IRF2: variants seen among roughly 807,000 people sequenced by gnomAD.
The protein encoded by IRF2 is interferon regulatory factor 2.
Under a neutral mutation model 40.6 loss-of-function variants are expected in IRF2, and 15 were observed. That is an observed-to-expected ratio of 0.37 (90% CI 0.25 to 0.57). The LOEUF (loss-of-function observed/expected upper bound fraction) is 0.57. Ranked by LOEUF, IRF2 falls within the 20% of genes least tolerant of loss-of-function variation. The pLI is 0.77. For synonymous variants in IRF2, 151 were observed against 165.5 expected (o/e 0.91, Z 0.67); for missense variants, 317 against 455.7 (o/e 0.70, Z 2.77).
chr4:184,463,662 T>A (rs11729267), intron 1 of IRF2, among the ~76,000 whole-genome samples: 48,648 of 152,006 alleles, frequency 0.32, 9,486 homozygotes, highest in East Asian at 0.48. Context: ...ATATATATTT[T>A]TTTTTTGATG....
At chr4:184,452,784 A>AAAAAAAAAAAAAAAAAAAAG (rs1738767941) in intron 1 of IRF2, among the ~76,000 whole-genome samples, 1 of 149,178 alleles carries the variant, frequency 6.7e-6, no homozygotes, top group African/African-American at 2.5e-5. Context: ...AAAAAAAAAA[A>AAAAAAAAAAAAAAAAAAAAG]AAAAAAAAAA....
At chr4:184,423,079 A>G (rs1737539732) in intron 2 of IRF2, among the ~76,000 whole-genome samples, 2 of 152,214 alleles carry the variant, frequency 1.3e-5, no homozygotes, top group Admixed American at 6.5e-5. Context: ...AGAAAGCAAG[A>G]TTCATTTTAA....
chr4:184,425,715 G>T (rs1225289818), intron 2 of IRF2, among the ~76,000 whole-genome samples: 1 of 152,250 alleles, frequency 6.6e-6, no homozygotes, highest in Admixed American at 6.5e-5. Flanking sequence ...CTGCCTGAAA[G>T]GGGCCAAGTG....
rs1431923839 is a variant in IRF2, at chr4:184,408,669, G to T, written c.412-394C>A. ...AGAATCAATGCCTGGCTTTCACCAG[G>T]GAGGAATCATGCTACCTCTTTCATA... On this transcript the variant is annotated intron_variant, in intron 5 of 8. Transcript: ENST00000393593. This position sits in a 1 kb window ranked among gnomAD's most constrained non-coding sequence, Gnocchi z 4.9. Among the ~76,000 whole-genome samples, 1 of 152,218 alleles carries T rather than the reference G, an allele frequency of 6.6e-6. No individual in the cohort carries two copies. Among genetic ancestry groups the T allele is most frequent in the Non-Finnish European group, 1.5e-5 (1 of 68,034 alleles).
At position 184,413,886 on chromosome 4, in the gene IRF2, T is replaced by G. The variant is rs1004735622; in HGVS notation, c.411+4281A>C. 1.3e-5 allele frequency among the ~76,000 whole-genome samples: 2 copies of G among 152,210 alleles called. No individual in the cohort carries two copies. Among genetic ancestry groups the G allele is most frequent in the African/African-American group, 4.8e-5 (2 of 41,446 alleles). On this transcript the variant is annotated intron_variant, in intron 5 of 8. Coordinates refer to ENST00000393593, the MANE Select transcript of IRF2 (RefSeq NM_002199.4). The surrounding 1 kb of genome is among the most constrained non-coding windows in gnomAD (Gnocchi z 4.2). ...GCTCTAATTAAGCCAGTTTCCTGTC[T>G]CATCCAGGAAAGACAAACCAACTGT...
At chr4:184,393,921 T>C (rs1173941315) in intron 7 of IRF2, among the ~76,000 whole-genome samples, 1 of 152,204 alleles carries the variant, frequency 6.6e-6, no homozygotes, top group Non-Finnish European at 1.5e-5. Flanking sequence ...CCATTGCCAC[T>C]TCCACGCTGA....
chr4:184,412,031 ACT>A (rs911386557), intron 5 of IRF2, among the ~76,000 whole-genome samples: 5 of 132,132 alleles, frequency 3.8e-5, no homozygotes, highest in Admixed American at 7.7e-5. Flanking sequence ...AAAAAAAAAG[ACT>A]CTGCTTGGGT....
intron 1 of IRF2, among the ~76,000 whole-genome samples, chr4:184,461,229 G>T (rs1739133366): frequency 6.6e-6 from 1 of 152,088 alleles, no homozygotes; most frequent in African/African-American, 2.4e-5. Context: ...ACTAAATGTG[G>T]GAGAATTGTG....
chr4:184,448,122 G>T lies in IRF2; in HGVS notation c.-6-19052C>A, dbSNP rs900563244. On this transcript the variant is annotated intron_variant, in intron 1 of 8. Coordinates refer to ENST00000393593, the MANE Select transcript of IRF2 (RefSeq NM_002199.4). The surrounding 1 kb of genome is among the most constrained non-coding windows in gnomAD (Gnocchi z 4.3). ...CTTTGTACTATTGTTAAACTGTGGT[G>T]GAAGTCTGAAATTAGCTCAAAAGAA... Among the ~76,000 whole-genome samples, 1 of 152,206 alleles carries T rather than the reference G, an allele frequency of 6.6e-6. No homozygotes were observed.
chr4:184,470,537 C>G (rs1739475503), intron 1 of IRF2, among the ~76,000 whole-genome samples: 1 of 151,942 alleles, frequency 6.6e-6, no homozygotes, highest in Non-Finnish European at 1.5e-5. Context: ...AAAAATTAGC[C>G]AGGCATGGTA....
At chr4:184,427,152 T>A (rs944487700) in intron 2 of IRF2, among the ~76,000 whole-genome samples, 1 of 152,216 alleles carries the variant, frequency 6.6e-6, no homozygotes, top group Non-Finnish European at 1.5e-5. Flanking sequence ...GCAACTCCAT[T>A]TCTTGTTTGT....
intron 1 of IRF2, among the ~76,000 whole-genome samples, chr4:184,432,566 T>C (rs1312731984): frequency 6.6e-6 from 1 of 152,182 alleles, no homozygotes; most frequent in Non-Finnish European, 1.5e-5. Flanking sequence ...TGCTCATCAA[T>C]CAACAATAAA....
chr4:184,433,625 G>C (rs903714292), intron 1 of IRF2, among the ~76,000 whole-genome samples: 1 of 151,328 alleles, frequency 6.6e-6, no homozygotes, highest in Non-Finnish European at 1.5e-5. Flanking sequence ...ACTTAAAAAG[G>C]GCTACACTTA....
chr4:184,396,090 G>A (rs1388113374), intron 7 of IRF2, among the ~76,000 whole-genome samples: 1 of 152,242 alleles, frequency 6.6e-6, no homozygotes, highest in Non-Finnish European at 1.5e-5. Flanking sequence ...TGCAGCAGCA[G>A]GCTATAGAAG....
intron 7 of IRF2, among the ~76,000 whole-genome samples, chr4:184,397,704 A>C (rs1459966237): frequency 6.6e-6 from 1 of 152,212 alleles, no homozygotes; most frequent in African/African-American, 2.4e-5. Context: ...AGCACAGGGA[A>C]GAATCCCTGA....
chr4:184,440,912 T>C (rs1047495451), intron 1 of IRF2, among the ~76,000 whole-genome samples: 2 of 152,292 alleles, frequency 1.3e-5, no homozygotes, highest in African/African-American at 4.8e-5. Flanking sequence ...ATCTCTGGGA[T>C]ACCCAAAAAG....
chr4:184,433,083 G>T (rs1737948460), intron 1 of IRF2, among the ~76,000 whole-genome samples: 1 of 152,194 alleles, frequency 6.6e-6, no homozygotes, highest in Non-Finnish European at 1.5e-5. Context: ...CCATGCCTAG[G>T]ATTTTGGTCA....
At chr4:184,397,895 G>A (rs1736525325) in intron 7 of IRF2, among the ~76,000 whole-genome samples, 1 of 152,188 alleles carries the variant, frequency 6.6e-6, no homozygotes, top group Non-Finnish European at 1.5e-5. Context: ...GCGAACGAGA[G>A]GAGCCATCCT....
intron 1 of IRF2, among the ~76,000 whole-genome samples, chr4:184,436,478 T>C (rs1038816877): frequency 1.3e-5 from 2 of 152,208 alleles, no homozygotes; most frequent in African/African-American, 2.4e-5. Context: ...ATAATTATAA[T>C]AATAAAAGAC....
Sources: gnomAD v4.1 joint callset for allele counts (sites outside exome capture counted in the v4.1 genomes callset) on GRCh38, gnomAD v4.1.1 for gene constraint, Gnocchi (gnomAD v3.1) non-coding constraint, MANE v1.5 for transcripts, NCBI Gene and HGNC (gene_info 2026-07-23, HGNC 2026-07-21) for gene names.